Variants in PPAT observed in about 807,000 individuals in gnomAD.
PPAT encodes the protein phosphoribosyl pyrophosphate amidotransferase, also known as amidophosphoribosyltransferase.
PPAT carries 20 observed loss-of-function variants against 60.2 expected under a neutral mutation model. That is an observed-to-expected ratio of 0.33 (90% CI 0.23 to 0.48). The LOEUF (loss-of-function observed/expected upper bound fraction) is 0.48, where lower values mean the gene tolerates loss of function less well. Ranked by LOEUF, PPAT falls within the 20% of genes least tolerant of loss-of-function variation. The probability of loss-of-function intolerance (pLI) is 0.99; values close to 1 mark genes in which losing one functional copy is unlikely to be tolerated. For missense variants in PPAT, 349 were observed against 629.6 expected, an observed-to-expected ratio of 0.55 and a Z score of 4.77; for synonymous variants, 194 against 215.1, an observed-to-expected ratio of 0.90 and a Z score of 0.86.
Position 56,396,830 on chromosome 4 carries a change from T to A in PPAT, c.1237-91A>T. The A allele has an allele frequency of 7.6e-7, 1 of 1,320,212 alleles. No homozygotes were observed. The highest frequency in any genetic ancestry group is 1.0e-6 in the Non-Finnish European group (1 of 967,958). 81.8% of individuals were successfully genotyped at this position (1,320,212 alleles called of 1,614,324 possible). A position where few individuals can be genotyped will look rare whatever the true frequency, so the allele number is the denominator to read the frequency against. Reference sequence around the variant, plus strand: ...CAATACAAAATTGTTTTGCAGAATATTCAGTAACAACATATGGGTAATAAA... The same window carrying A: ...CAATACAAAATTGTTTTGCAGAATAATCAGTAACAACATATGGGTAATAAA... On this transcript the variant is annotated intron_variant, in intron 9 of 10. Coordinates refer to ENST00000264220, the MANE Select transcript of PPAT (RefSeq NM_002703.5). The surrounding 1 kb of genome is among the most constrained non-coding windows in gnomAD (Gnocchi z 4.6).
intron 1 of PPAT, among the ~76,000 whole-genome samples, chr4:56,417,823 T>G (rs1716836100): frequency 7.0e-6 from 1 of 142,520 alleles, no homozygotes; most frequent in South Asian, 2.3e-4. Context: ...TTCGGTATAA[T>G]TTGAAGATTT....
intron 1 of PPAT, among the ~76,000 whole-genome samples, chr4:56,430,489 T>A (rs938701751): frequency 6.6e-6 from 1 of 152,122 alleles, no homozygotes; most frequent in African/African-American, 2.4e-5. Context: ...TCTACCACAG[T>A]GCCTTAGTAA....
At chr4:56,426,058 T>A (rs754957956) in intron 1 of PPAT, among the ~76,000 whole-genome samples, 1 of 152,294 alleles carries the variant, frequency 6.6e-6, no homozygotes, top group East Asian at 1.9e-4. Context: ...TCCACAGTTA[T>A]ACAATAATCA....
chr4:56,407,045 A>C (rs1716258248), intron 2 of PPAT, among the ~76,000 whole-genome samples: 1 of 152,228 alleles, frequency 6.6e-6, no homozygotes, highest in Non-Finnish European at 1.5e-5. Context: ...GTAGTAAGCA[A>C]TAAAATTTGT....
In PPAT at chr4:56,403,102, G is replaced by C. The variant is rs915429200; in HGVS notation, c.599C>G (p.Pro200Arg). The change falls in exon 5 of 11, where the codon CCT (proline) becomes CGT (arginine). Residue 200 changes from proline to arginine, a missense_variant. By Grantham distance (103) the Pro-to-Arg change is moderately radical (BLOSUM62 -2). Around this residue, in one of 5 missense-constraint regions of PPAT, gnomAD observed 63 missense variants for 86.9 expected, o/e 0.73. Transcript: ENST00000264220. ...HRDVIYAVRD[P>R]YGNRPLCIGR... is the part of the protein sequence containing the mutation. ...AATGCATAAGGGACGATTTCCATAA[G>C]GATCTCGTACTGCATAAATAACATC... 6.2e-7 allele frequency: 1 copy of C among 1,612,798 alleles called. No individual in the cohort carries two copies. Among genetic ancestry groups the C allele is most frequent in the African/African-American group, 1.3e-5 (1 of 74,860 alleles).
In PPAT at chr4:56,435,394, A is replaced by C. The variant is rs1362062894; in HGVS notation, c.84T>G (p.Asp28Glu). The C allele has an allele frequency of 6.2e-7, 1 of 1,613,408 alleles. No homozygotes were observed. Among genetic ancestry groups the C allele is most frequent in the Non-Finnish European group, 8.5e-7 (1 of 1,179,774 alleles). Reference sequence around the variant, plus strand: ...GTCCCAGAGTGATCACATGCGGTACATCCAGCTGCGTGGGCCACTCTCCTG... The same window carrying C: ...GTCCCAGAGTGATCACATGCGGTACCTCCAGCTGCGTGGGCCACTCTCCTG... ...IASGEWPTQLDVPHVITLGLV... is the reference protein window; with the variant it reads ...IASGEWPTQLEVPHVITLGLV... The change falls in exon 1 of 11, where the codon GAT becomes GAG. Residue 28 changes from aspartate to glutamate, a missense_variant. Physicochemically the swap from Asp to Glu is conservative, Grantham distance 45. Around this residue, in one of 5 missense-constraint regions of PPAT, gnomAD observed 115 missense variants for 174.5 expected, o/e 0.66. Transcript: ENST00000264220.
intron 1 of PPAT, among the ~76,000 whole-genome samples, chr4:56,413,781 C>T (rs1428312435): frequency 1.3e-5 from 2 of 152,024 alleles, no homozygotes; most frequent in African/African-American, 4.8e-5. Flanking sequence ...CCTGTAATCC[C>T]AGCTACTTGG....
chr4:56,397,482 G>T (rs575594907), intron 9 of PPAT, among the ~76,000 whole-genome samples: 1 of 152,262 alleles, frequency 6.6e-6, no homozygotes, highest in African/African-American at 2.4e-5. Flanking sequence ...CTGGCATGCT[G>T]CTTTTCATCC....
intron 1 of PPAT, among the ~76,000 whole-genome samples, chr4:56,429,791 C>A (rs1717486795): frequency 1.3e-5 from 2 of 152,208 alleles, no homozygotes; most frequent in Admixed American, 6.5e-5. Flanking sequence ...CATTAATCAT[C>A]CTTCCGCCCC....
chr4:56,404,360 C>T (rs537152824), intron 3 of PPAT, among the ~76,000 whole-genome samples: 14 of 152,154 alleles, frequency 9.2e-5, no homozygotes, highest in East Asian at 1.9e-4. Context: ...GGCTACCCAT[C>T]CTCATTGATT....
chr4:56,419,079 G>A (rs1216305952), intron 1 of PPAT, among the ~76,000 whole-genome samples: 1 of 152,208 alleles, frequency 6.6e-6, no homozygotes, highest in Non-Finnish European at 1.5e-5. Context: ...CTACACATTA[G>A]ATTCACAGTC....
chr4:56,395,594 A>G, intron 10 of PPAT, 46 bp from the exon 11 acceptor site: 1 of 1,387,658 alleles, frequency 7.2e-7, no homozygotes, highest in African/African-American at 1.5e-5. Context: ...ATTCCTTTAG[A>G]AAGGAAGAAA....
At chr4:56,414,515 A>G (rs1482090888) in intron 1 of PPAT, among the ~76,000 whole-genome samples, 2 of 152,140 alleles carry the variant, frequency 1.3e-5, no homozygotes, top group African/African-American at 4.8e-5. Flanking sequence ...CACTCCTCTT[A>G]TTTTATACAA....
At chr4:56,418,947 G>T (rs1716904521) in intron 1 of PPAT, among the ~76,000 whole-genome samples, 2 of 152,176 alleles carry the variant, frequency 1.3e-5, no homozygotes, top group Non-Finnish European at 2.9e-5. Context: ...ACCATTAAAA[G>T]AAAATACTTC....
rs115979484 is a variant in PPAT at position 56,400,863 on chromosome 4, A to G, written c.935T>C (p.Ile312Thr). The change falls in exon 8 of 11, where the codon ATT (isoleucine) becomes ACT (threonine). Residue 312 changes from isoleucine to threonine, a missense_variant. By Grantham distance (89) the Ile-to-Thr change is moderately conservative. Coordinates refer to ENST00000264220, the MANE Select transcript of PPAT (RefSeq NM_002703.5). ...CAAATCTGCATCCACAGGTGCTTCA[A>G]TCGCTAGCTGCTGGCCACAACGGTA... is the stretch of plus-strand genomic sequence containing the variant. The part of the protein sequence containing the change: ...VRYRCGQQLA[I>T]EAPVDADLVS... 406 of 1,613,424 alleles carry G rather than the reference A, an allele frequency of 2.5e-4. No individual in the cohort carries two copies. The highest frequency in any genetic ancestry group is 3.3e-4 in the Non-Finnish European group (394 of 1,179,332).
Position 56,395,533 on chromosome 4 carries a change from A to G in PPAT, c.1373T>C (p.Val458Ala), listed in dbSNP as rs1324455305. 1.3e-6 allele frequency: 2 copies of G among 1,574,000 alleles called. No individual in the cohort carries two copies. Among genetic ancestry groups the G allele is most frequent in the African/African-American group, 2.8e-5 (2 of 72,338 alleles). Residue 458 changes from valine (V) to alanine (A), a missense_variant, in exon 11 of 11, where the codon GTG (valine) becomes GCG (alanine). Val to Ala is a moderately conservative substitution (Grantham distance 64, BLOSUM62 0). Transcript: ENST00000264220. The stretch of plus-strand genomic sequence containing the variant: ...AACCAGTCCTTCTACTGACAGATAC[A>G]CAACACTGTTTGCTCCTAAAGAAAG... ...LAEYLGANSV[V>A]YLSVEGLVSS...
Position 56,427,612 on chromosome 4 carries a change from G to C in PPAT, c.128+7738C>G, listed in dbSNP as rs546125038. On this transcript the variant is annotated intron_variant, in intron 1 of 10. Transcript: ENST00000264220. ...GCTTGAGCTCAGGAGGTCCACGCCA[G>C]CCTCGGCAACATAGTGAGACCCTGT... Among the ~76,000 whole-genome samples the C allele has an allele frequency of 3.3e-5, 5 of 149,880 alleles. No individual in the cohort carries two copies. In the South Asian group the frequency reaches 1.1e-3, roughly 32 times the overall value.
At chr4:56,400,940 AT>A (rs1353191475) in intron 7 of PPAT, 29 bp from the exon 8 acceptor site, 2 of 1,586,512 alleles carry the variant, frequency 1.3e-6, no homozygotes, top group Non-Finnish European at 1.7e-6. Flanking sequence ...GAGAGAGAGT[AT>A]TTTTACTTAG....
intron 2 of PPAT, among the ~76,000 whole-genome samples, 196 bp from the exon 3 acceptor site, chr4:56,406,897 A>C (rs1303906155): frequency 6.6e-6 from 1 of 152,234 alleles, no homozygotes; most frequent in Non-Finnish European, 1.5e-5. Flanking sequence ...TTACTTAAAA[A>C]AATTTACTGA....
Sources: allele counts gnomAD v4.1 joint callset (sites outside exome capture counted in the v4.1 genomes callset), GRCh38; gene constraint gnomAD v4.1.1; regional missense constraint gnomAD v4.1.1; non-coding constraint Gnocchi (gnomAD v3.1); transcripts MANE v1.5; gene names NCBI Gene and HGNC (gene_info 2026-07-23, HGNC 2026-07-21).